CDKL5: variants seen among roughly 807,000 people sequenced by gnomAD.
The protein encoded by CDKL5 is cyclin-dependent kinase-like 5.
A neutral mutation model predicts 61.7 loss-of-function variants in CDKL5; 8 were observed. That is an observed-to-expected ratio of 0.13 (90% CI 0.08 to 0.23). The LOEUF is 0.23. Ranked by LOEUF, CDKL5 falls within the 10% of genes least tolerant of loss-of-function variation. The probability of loss-of-function intolerance (pLI) is 1.00; values close to 1 mark genes in which losing one functional copy is unlikely to be tolerated. For synonymous variants in CDKL5, 275 were observed against 272.3 expected (o/e 1.01, Z -0.10); for missense variants, 440 against 734.5 (o/e 0.60, Z 4.63).
At chrX:18,620,712 A>G (rs1926865427) in intron 16 of CDKL5, among the ~76,000 whole-genome samples, 1 of 111,200 alleles carries the variant, frequency 9.0e-6, no homozygotes, top group Admixed American at 9.6e-5. Context: ...CTTTATGACA[A>G]CTTCAAGGCT....
chrX:18,591,132 A>G (rs1238709862), intron 9 of CDKL5, among the ~76,000 whole-genome samples: 2 of 109,828 alleles, frequency 1.8e-5, no homozygotes, highest in Non-Finnish European at 3.8e-5. Flanking sequence ...CCAACGTACC[A>G]CCCTCACCTC....
intron 2 of CDKL5, 113 bp from the exon 3 acceptor site, chrX:18,510,707 T>C: frequency 1.7e-6 from 1 of 604,342 alleles, no homozygotes; most frequent in Non-Finnish European, 2.8e-6. Context: ...ATTATCACTA[T>C]AGAATCTTGT....
chrX:18,550,384 A>G (rs1405283047), intron 3 of CDKL5, among the ~76,000 whole-genome samples: 2 of 111,789 alleles, frequency 1.8e-5, no homozygotes, highest in African/African-American at 3.3e-5. Flanking sequence ...CAGGGAGAAA[A>G]TGGAAAAACT....
chrX:18,560,776 TACACAC>T (rs57724882), intron 3 of CDKL5, among the ~76,000 whole-genome samples: 1 of 104,261 alleles, frequency 9.6e-6, no homozygotes, highest in African/African-American at 3.5e-5. Context: ...ATTCAAAAAA[TACACAC>T]ACACACACAC....
intron 1 of CDKL5, among the ~76,000 whole-genome samples, chrX:18,440,835 G>A (rs913900026): frequency 2.7e-5 from 3 of 111,630 alleles, no homozygotes; most frequent in African/African-American, 9.8e-5. Flanking sequence ...CCAAGTCCAA[G>A]GTTGTACTAC....
At chrX:18,464,699 C>T (rs1338166295) in intron 1 of CDKL5, among the ~76,000 whole-genome samples, 1 of 111,465 alleles carries the variant, frequency 9.0e-6, no homozygotes. Context: ...ATAAACATTG[C>T]AAAACCCCAA....
intron 4 of CDKL5, among the ~76,000 whole-genome samples, chrX:18,564,855 T>TA (rs1210697785): frequency 9.0e-6 from 1 of 111,310 alleles, no homozygotes; most frequent in Non-Finnish European, 1.9e-5. Flanking sequence ...ATTATTAAAA[T>TA]AAAAAAACTG....
At chrX:18,440,228 G>A (rs752180426) in intron 1 of CDKL5, among the ~76,000 whole-genome samples, 1 of 112,168 alleles carries the variant, frequency 8.9e-6, no homozygotes, top group South Asian at 3.7e-4. Context: ...TATCAACTAA[G>A]TTTATAGAGT....
chrX:18,554,317 T>C (rs760375282), intron 3 of CDKL5, among the ~76,000 whole-genome samples: 4 of 106,611 alleles, frequency 3.8e-5, no homozygotes, highest in African/African-American at 1.4e-4. Flanking sequence ...GGGACTCCGC[T>C]AAATTGTTTT....
chrX:18,451,280 C>A (rs1678703077), intron 1 of CDKL5, among the ~76,000 whole-genome samples: 1 of 111,127 alleles, frequency 9.0e-6, no homozygotes, highest in Non-Finnish European at 1.9e-5. Context: ...CAACCTCCAT[C>A]TTCCGGGTTC....
intron 3 of CDKL5, among the ~76,000 whole-genome samples, chrX:18,550,677 G>A (rs1728009580): frequency 8.9e-6 from 1 of 112,529 alleles, no homozygotes; most frequent in African/African-American, 3.2e-5. Flanking sequence ...CTGAGGTTTA[G>A]ATTGCCTGCA....
At chrX:18,503,546 CTGA>C (rs1388961588) in intron 1 of CDKL5, among the ~76,000 whole-genome samples, 1 of 112,224 alleles carries the variant, frequency 8.9e-6, no homozygotes, top group Admixed American at 9.5e-5. Context: ...ACAGATGCTG[CTGA>C]TATTTGTGTA....
chrX:18,528,237 A>ATTTTTTTTTTTTTT (rs749197887), intron 3 of CDKL5, among the ~76,000 whole-genome samples: 1 of 68,442 alleles, frequency 1.5e-5, no homozygotes, highest in African/African-American at 5.6e-5. Context: ...ACCCATACTC[A>ATTTTTTTTTTTTTT]TTTTTTTTTT....
intron 1 of CDKL5, among the ~76,000 whole-genome samples, chrX:18,471,514 AG>A (rs1921095673): frequency 9.1e-6 from 1 of 110,396 alleles, no homozygotes; most frequent in Non-Finnish European, 1.9e-5. Context: ...CTGGGACTAC[AG>A]GCTTGCATTG....
intron 17 of CDKL5, chrX:18,627,217 C>T (rs188495336): frequency 1.8e-5 from 2 of 112,073 alleles, no homozygotes. Context: ...GAAACAATAT[C>T]TACTTGAGTC....
At chrX:18,461,985 C>T (rs756383086) in intron 1 of CDKL5, among the ~76,000 whole-genome samples, 1 of 111,356 alleles carries the variant, frequency 9.0e-6, no homozygotes, top group Admixed American at 9.6e-5. Flanking sequence ...CTTATCCAAC[C>T]CGCGGTCTGT....
chrX:18,628,420 C>T lies in CDKL5; in HGVS notation c.2546C>T (p.Ser849Leu), dbSNP rs1064795982. Residue 849 changes from serine to leucine, a missense_variant, in exon 18 of 18, where the codon TCA (serine) becomes TTA (leucine). Physicochemically the swap from Ser to Leu is moderately radical, Grantham distance 145. Coordinates refer to ENST00000623535, the MANE Select transcript of CDKL5 (RefSeq NM_001323289.2). ...AAGTTGTTACATCTCTCTTCGGCCT[C>T]AAATCACCCGGCTTCCTCAGATCCC... ...LRKLLHLSSA[S>L]NHPASSDPRF... The T allele has an allele frequency of 6.6e-6, 8 of 1,210,144 alleles. No homozygotes were observed. The highest frequency in any genetic ancestry group is 8.9e-6 in the Non-Finnish European group (8 of 895,099).
chrX:18,600,163 G>A (rs1010231515), intron 11 of CDKL5, among the ~76,000 whole-genome samples: 4 of 112,293 alleles, frequency 3.6e-5, no homozygotes, highest in Admixed American at 2.8e-4. Context: ...AGGTCTGGGA[G>A]AGCATCCATA....
At chrX:18,525,632 C>T (rs1923406957) in intron 3 of CDKL5, among the ~76,000 whole-genome samples, 1 of 110,934 alleles carries the variant, frequency 9.0e-6, no homozygotes, top group African/African-American at 3.3e-5. Flanking sequence ...TCAATACACC[C>T]TTTGACTTTA....
Sources: allele counts gnomAD v4.1 joint callset (sites outside exome capture counted in the v4.1 genomes callset), GRCh38; gene constraint gnomAD v4.1.1; transcripts MANE v1.5; gene names NCBI Gene and HGNC (gene_info 2026-07-23, HGNC 2026-07-21).